The following PLXDC2 variants were observed in gnomAD, a reference collection of about 807,000 sequenced individuals.
PLXDC2 encodes plexin domain-containing protein 2.
Under a neutral mutation model 68.9 loss-of-function variants are expected in PLXDC2, and 40 were observed. The observed-to-expected ratio is 0.58, with a 90% confidence interval of 0.45 to 0.76. PLXDC2 has a LOEUF of 0.76. Ranked by LOEUF, PLXDC2 falls within the 30% of genes least tolerant of loss-of-function variation. PLXDC2 has a pLI of 0.00. For synonymous variants in PLXDC2, 243 were observed against 234.2 expected (o/e 1.04, Z -0.34); for missense variants, 644 against 661.9 (o/e 0.97, Z 0.30).
intron 9 of PLXDC2, among the ~76,000 whole-genome samples, chr10:20,204,318 T>C (rs1477486592): frequency 6.6e-6 from 1 of 152,212 alleles, no homozygotes; most frequent in Non-Finnish European, 1.5e-5. Context: ...TCCCATATCT[T>C]ACAGCTCTAT....
chr10:19,928,251 A>G (rs1163667153), intron 1 of PLXDC2, among the ~76,000 whole-genome samples: 1 of 152,200 alleles, frequency 6.6e-6, no homozygotes, highest in African/African-American at 2.4e-5. Flanking sequence ...GCTGCAATAA[A>G]CATACATGTG....
rs3043789 is a variant in PLXDC2, at chr10:19,837,409, AGTGTGTGTGTGTGTGT to A, written c.112+20239_112+20254del. On this transcript the variant is annotated intron_variant, in intron 1 of 13. Coordinates refer to ENST00000377252, the MANE Select transcript of PLXDC2 (RefSeq NM_032812.9). ...GTGAGAGAGAGAGAGAGAGAGAGAG[AGTGTGTGTGTGTGTGT>A]GTGTGTGTGTGTGTGTGTGTATGTG... Among the ~76,000 whole-genome samples the A allele has an allele frequency of 7.3e-5, 6 of 82,598 alleles. No individual in the cohort carries two copies. In the East Asian group the frequency reaches 2.6e-3, roughly 36 times the overall value. The allele number at this position is 82,598 out of a possible 152,430, so 54.2% of individuals were successfully genotyped here.
intron 1 of PLXDC2, among the ~76,000 whole-genome samples, chr10:19,931,850 T>A (rs750547899): frequency 5.3e-5 from 8 of 152,080 alleles, no homozygotes; most frequent in Non-Finnish European, 7.4e-5. Flanking sequence ...AAGAATCACA[T>A]GGTCACATAA....
chr10:19,848,048 G>C (rs371909941), intron 1 of PLXDC2, among the ~76,000 whole-genome samples: 1 of 152,044 alleles, frequency 6.6e-6, no homozygotes, highest in African/African-American at 2.4e-5. Context: ...AGTCTGGTGC[G>C]GTGGCTCATG....
At chr10:20,021,311 A>G (rs11597643) in intron 2 of PLXDC2, among the ~76,000 whole-genome samples, 34,088 of 151,896 alleles carry the variant, frequency 0.22, 4,745 homozygotes, top group Non-Finnish European at 0.33. Flanking sequence ...GAATGTGCAG[A>G]TTTATTACTT....
chr10:20,134,626 A>T (rs1253040751), intron 4 of PLXDC2, among the ~76,000 whole-genome samples: 1 of 152,164 alleles, frequency 6.6e-6, no homozygotes, highest in African/African-American at 2.4e-5. Flanking sequence ...TTGGGCCTAC[A>T]TCTTGGGTCT....
At chr10:20,208,050 C>T (rs957343293) in intron 9 of PLXDC2, among the ~76,000 whole-genome samples, 1 of 151,972 alleles carries the variant, frequency 6.6e-6, no homozygotes, top group Non-Finnish European at 1.5e-5. Context: ...ATGCTTTGAG[C>T]ACTGTAAGAA....
intron 1 of PLXDC2, among the ~76,000 whole-genome samples, chr10:19,941,642 G>A (rs370788450): frequency 1.7e-4 from 26 of 152,234 alleles, no homozygotes; most frequent in East Asian, 1.5e-3. Flanking sequence ...TGCCTAATCC[G>A]TGTTTATCCT....
At chr10:20,028,766 T>C (rs1254602563) in intron 2 of PLXDC2, among the ~76,000 whole-genome samples, 1 of 152,192 alleles carries the variant, frequency 6.6e-6, no homozygotes, top group East Asian at 1.9e-4. Context: ...AGTTTTATTC[T>C]TTGCCTATTG....
intron 4 of PLXDC2, among the ~76,000 whole-genome samples, chr10:20,126,415 C>T (rs1438409930): frequency 2.2e-4 from 18 of 80,974 alleles, no homozygotes; most frequent in South Asian, 1.3e-3. Context: ...ATATACAACA[C>T]ACGTTATATA....
intron 4 of PLXDC2, among the ~76,000 whole-genome samples, chr10:20,094,460 T>A (rs1833321835): frequency 6.6e-6 from 1 of 152,210 alleles, no homozygotes; most frequent in African/African-American, 2.4e-5. Flanking sequence ...CATTTCTCTC[T>A]GGAATTGTGC....
chr10:20,224,813 G>A (rs892546328), intron 12 of PLXDC2, among the ~76,000 whole-genome samples: 1 of 152,072 alleles, frequency 6.6e-6, no homozygotes, highest in Non-Finnish European at 1.5e-5. Context: ...CTCTTTGATC[G>A]AGTTAAGGTT....
intron 1 of PLXDC2, among the ~76,000 whole-genome samples, chr10:19,870,128 T>G (rs942276650): frequency 6.6e-6 from 1 of 152,190 alleles, no homozygotes; most frequent in Non-Finnish European, 1.5e-5. Context: ...GGGAACAAAC[T>G]TGGGGTCTTA....
rs568074488 is a variant in PLXDC2, at chr10:19,883,529, G to T, written c.112+66338G>T. On this transcript the variant is annotated intron_variant, in intron 1 of 13. Transcript: ENST00000377252. ...TCTACTTCCTACATGAGTTTATAAT[G>T]GTTGACCTCAAATGAGTGGTTGGTC... Among the ~76,000 whole-genome samples the T allele has an allele frequency of 3.9e-5, 6 of 152,022 alleles. No homozygotes were observed. The South Asian group carries it at 1.2e-3, about 32-fold the overall frequency.
intron 4 of PLXDC2, among the ~76,000 whole-genome samples, chr10:20,080,427 AC>A (rs1836531657): frequency 6.6e-6 from 1 of 152,196 alleles, no homozygotes; most frequent in Non-Finnish European, 1.5e-5. Flanking sequence ...AGGGAAGCCA[AC>A]AGTGTAGTCT....
chr10:20,087,638 A>G (rs1833217759), intron 4 of PLXDC2, among the ~76,000 whole-genome samples: 1 of 152,202 alleles, frequency 6.6e-6, no homozygotes, highest in Non-Finnish European at 1.5e-5. Flanking sequence ...ACTTGCTGGC[A>G]GTTGGATATA....
At chr10:20,168,930 C>T (rs942170168) in intron 7 of PLXDC2, among the ~76,000 whole-genome samples, 1 of 152,064 alleles carries the variant, frequency 6.6e-6, no homozygotes, top group African/African-American at 2.4e-5. Context: ...TGAAGATACC[C>T]ACATTAAGAA....
chr10:20,008,329 T>C (rs1156886056), intron 2 of PLXDC2, among the ~76,000 whole-genome samples: 13 of 152,156 alleles, frequency 8.5e-5, no homozygotes, highest in Non-Finnish European at 1.8e-4. Flanking sequence ...CCGAGGCAGG[T>C]GGACCACTTG....
intron 1 of PLXDC2, among the ~76,000 whole-genome samples, chr10:19,961,126 C>T (rs1834148140): frequency 6.6e-6 from 1 of 152,182 alleles, no homozygotes; most frequent in South Asian, 2.1e-4. Flanking sequence ...GGCAGTACTT[C>T]TGTGATTTCT....
Sources: allele counts gnomAD v4.1 joint callset (sites outside exome capture counted in the v4.1 genomes callset), GRCh38; gene constraint gnomAD v4.1.1; transcripts MANE v1.5; gene names NCBI Gene and HGNC (gene_info 2026-07-23, HGNC 2026-07-21).